Variants in SPON2 observed in about 807,000 individuals in gnomAD.
The protein encoded by SPON2 is spondin 2.
Under a neutral mutation model 29.9 loss-of-function variants are expected in SPON2, and 32 were observed. The observed-to-expected ratio is 1.07, with a 90% CI of 0.81 to 1.44. The LOEUF (loss-of-function observed/expected upper bound fraction) is 1.44. Among genes scored for constraint, SPON2 ranks in the 40% most tolerant of loss-of-function variants. The pLI is 0.00. For missense variants in SPON2, 541 were observed against 455.5 expected (o/e 1.19, Z -1.71); for synonymous variants, 248 against 209.1 (o/e 1.19, Z -1.61).
chr4:1,193,089 G>C (rs1049790675), intron 1 of SPON2, among the ~76,000 whole-genome samples: 1 of 152,184 alleles, frequency 6.6e-6, no homozygotes, highest in Non-Finnish European at 1.5e-5. Flanking sequence ...ACACATGCCC[G>C]ACACAGCTGC....
At chr4:1,184,374 T>C (rs984830246) in intron 1 of SPON2, among the ~76,000 whole-genome samples, 3 of 152,146 alleles carry the variant, frequency 2.0e-5, no homozygotes, top group Non-Finnish European at 2.9e-5. Context: ...TACAAAAATC[T>C]TGATTTAAAT....
Position 1,170,531 on chromosome 4 carries a change from G to A in SPON2, c.682C>T (p.Pro228Ser). ...PSHPANSFYYPRLKALPPIAR... is the reference protein window; with the variant it reads ...PSHPANSFYYSRLKALPPIAR... ...ATGGGAGGCAGGGCCTTCAGCCGCGGGTAGTAGAAGGAGTTGGCCGGGTGG... is the reference window on the plus strand; with the variant it reads ...ATGGGAGGCAGGGCCTTCAGCCGCGAGTAGTAGAAGGAGTTGGCCGGGTGG... Residue 228 changes from proline (P) to serine (S), a missense_variant, in exon 5 of 6, where the codon CCG (proline) becomes TCG (serine). Physicochemically the swap from Pro to Ser is moderately conservative, Grantham distance 74 (BLOSUM62 -1). Coordinates refer to ENST00000290902, the MANE Select transcript of SPON2 (RefSeq NM_012445.4). 2 of 1,613,996 alleles carry A rather than the reference G, an allele frequency of 1.2e-6. No homozygotes were observed. The highest frequency in any genetic ancestry group is 1.7e-6 in the Non-Finnish European group (2 of 1,179,898).
At chr4:1,185,700 T>A in intron 1 of SPON2, among the ~76,000 whole-genome samples, 1 of 2,688 alleles carries the variant, frequency 3.7e-4, no homozygotes. Flanking sequence ...AGAGTGAGAC[T>A]CCATCTCCAA....
upstream of SPON2, among the ~76,000 whole-genome samples, chr4:1,174,496 A>C (rs1419190691): frequency 6.0e-5 from 9 of 150,962 alleles, no homozygotes; most frequent in South Asian, 6.3e-4. Flanking sequence ...CAAAAAAAAA[A>C]AAAAAACAAA....
Position 1,202,820 on chromosome 4 carries a change from C to T in SPON2, c.-234+5060G>A, listed in dbSNP as rs995506799. ...AGGCCACCATCGCCTGCAGTGTCAG[C>T]GCCCCGTGGATGCCGTCAAGGCCCC... On this transcript the variant is annotated intron_variant, in intron 1 of 3. Coordinates refer to the SPON2 transcript ENST00000509233. This position sits in a 1 kb window ranked among gnomAD's most constrained non-coding sequence, Gnocchi z 5.4. Among the ~76,000 whole-genome samples the T allele has an allele frequency of 6.6e-6, 1 of 152,186 alleles. No individual in the cohort carries two copies. Among genetic ancestry groups the T allele is most frequent in the African/African-American group, 2.4e-5 (1 of 41,452 alleles).
intron 1 of SPON2, among the ~76,000 whole-genome samples, chr4:1,207,055 G>A (rs965729615): frequency 2.0e-5 from 3 of 151,824 alleles, no homozygotes; most frequent in Admixed American, 6.6e-5. Flanking sequence ...TGGGGAGCAC[G>A]GGGAGGAGGC....
rs535423982 is a variant in SPON2 at position 1,203,450 on chromosome 4, G to A, written c.-234+4430C>T. Among the ~76,000 whole-genome samples the A allele has an allele frequency of 9.2e-5, 14 of 152,346 alleles. No homozygotes were observed. The East Asian group carries it at 9.6e-4, about 10-fold the overall frequency. The stretch of plus-strand genomic sequence containing the variant: ...GGGCCAGAGCTTCATTCCTTTTTAC[G>A]GGTGAAGAATAGTGTGGGGCCAGGC... On this transcript the variant is annotated intron_variant, in intron 1 of 3. Coordinates refer to the SPON2 transcript ENST00000509233.
Position 1,167,496 on chromosome 4 carries a change from C to T in SPON2, c.972G>A (p.Glu324=). The T allele has an allele frequency of 6.2e-7, 1 of 1,613,712 alleles. No homozygotes were observed. The highest frequency in any genetic ancestry group is 1.7e-4 in the Middle Eastern group (1 of 6,004). ...SPCPELEEEA[E]CVPDNCV is the part of the protein sequence containing the mutation. ...CTTAGACGCAGTTATCAGGGACGCACTCAGCCTCTTCTTCGAGCTCGGGGC... is the reference window on the plus strand; with the variant it reads ...CTTAGACGCAGTTATCAGGGACGCATTCAGCCTCTTCTTCGAGCTCGGGGC... Residue 324 remains glutamate (E), a synonymous_variant, in exon 6 of 6, where the codon GAG becomes GAA. Coordinates refer to ENST00000290902, the MANE Select transcript of SPON2 (RefSeq NM_012445.4).
At position 1,171,429 on chromosome 4, in the gene SPON2, C is replaced by T; in HGVS notation, c.278G>A (p.Gly93Glu). 1 of 1,612,312 alleles carries T rather than the reference C, an allele frequency of 6.2e-7. No individual in the cohort carries two copies. Among genetic ancestry groups the T allele is most frequent in the Non-Finnish European group, 8.5e-7 (1 of 1,179,794 alleles). ...MWRKNQYVSN[G>E]LRDFAERGEA... ...GCCGCGCTCCGCAAAGTCGCGCAGC[C>T]CGTTACTGACGTACTGGTTCTTCCT... Residue 93 changes from glycine (G) to glutamate (E), a missense_variant, in exon 3 of 6, where the codon GGG (glycine) becomes GAG (glutamate). Gly to Glu is a moderately conservative substitution (Grantham distance 98). Coordinates refer to ENST00000290902, the MANE Select transcript of SPON2 (RefSeq NM_012445.4).
At chr4:1,185,966 C>T (rs992948147) in intron 1 of SPON2, among the ~76,000 whole-genome samples, 49 of 151,776 alleles carry the variant, frequency 3.2e-4, no homozygotes, top group African/African-American at 1.1e-3. Context: ...AACATCTGGC[C>T]GGGCGTGGTG....
intron 5 of SPON2, 34 bp downstream of exon 5, chr4:1,170,368 G>C (rs537998455): frequency 2.5e-6 from 4 of 1,594,552 alleles, no homozygotes; most frequent in Non-Finnish European, 3.4e-6. Context: ...GTTCGGGGCT[G>C]CTGTGTGTCC....
chr4:1,185,975 TG>T (rs1727785594), intron 1 of SPON2, among the ~76,000 whole-genome samples: 1 of 151,906 alleles, frequency 6.6e-6, no homozygotes, highest in African/African-American at 2.4e-5. Context: ...CCGGGCGTGG[TG>T]GCTCACGCCT....
intron 1 of SPON2, among the ~76,000 whole-genome samples, chr4:1,205,646 A>C (rs1250102): frequency 6.6e-6 from 1 of 152,100 alleles, no homozygotes; most frequent in Non-Finnish European, 1.5e-5. Flanking sequence ...CAGCCTTGGG[A>C]AGGGTGGGGG....
Position 1,170,471 on chromosome 4 carries a change from G to A in SPON2, c.742C>T (p.Pro248Ser). Residue 248 changes from proline (P) to serine (S), a missense_variant, in exon 5 of 6, where the codon CCC becomes TCC. By Grantham distance (74) the Pro-to-Ser change is moderately conservative. Transcript: ENST00000290902. ...RVTLVRLRQS[P>S]RAFIPPAPVL... ...GGGGCGGGAGGGATGAAGGCCCTGGGGCTCTGTCGCAGCCGCACCAGTGTC... is the reference window on the plus strand; with the variant it reads ...GGGGCGGGAGGGATGAAGGCCCTGGAGCTCTGTCGCAGCCGCACCAGTGTC... 1 of 1,614,074 alleles carries A rather than the reference G, an allele frequency of 6.2e-7. No homozygotes were observed. Among genetic ancestry groups the A allele is most frequent in the East Asian group, 2.2e-5 (1 of 44,874 alleles).
upstream of SPON2, among the ~76,000 whole-genome samples, chr4:1,197,832 T>C (rs1403420327): frequency 6.6e-6 from 1 of 152,126 alleles, no homozygotes; most frequent in African/African-American, 2.4e-5. Context: ...GCAGATCACT[T>C]GAGGCCTGGA....
At position 1,202,951 on chromosome 4, in the gene SPON2, A is replaced by G. The variant is rs754434323; in HGVS notation, c.-234+4929T>C. Among the ~76,000 whole-genome samples the G allele has an allele frequency of 1.8e-4, 28 of 152,322 alleles. No homozygotes were observed. The highest frequency in any genetic ancestry group is 2.1e-4 in the South Asian group (1 of 4,826). On this transcript the variant is annotated intron_variant, in intron 1 of 3. Transcript: ENST00000509233. This position sits in a 1 kb window ranked among gnomAD's most constrained non-coding sequence, Gnocchi z 5.4. ...GGCCAGGATCGGGGGAGACCCAGGC[A>G]GGCAGTGAGCTCTGCGGTCCCAAAG...
chr4:1,204,729 C>T (rs1275618590), intron 1 of SPON2, among the ~76,000 whole-genome samples: 1 of 152,310 alleles, frequency 6.6e-6, no homozygotes, highest in African/African-American at 2.4e-5. Context: ...CCGGCCAGCA[C>T]GAGGGACGGC....
intron 1 of SPON2, among the ~76,000 whole-genome samples, chr4:1,194,302 G>A (rs971009607): frequency 1.3e-5 from 2 of 152,176 alleles, no homozygotes; most frequent in African/African-American, 4.8e-5. Context: ...CAGGAAAAAG[G>A]ACCAACGGGG....
chr4:1,207,535 C>T (rs1728371831), intron 1 of SPON2, among the ~76,000 whole-genome samples: 1 of 151,572 alleles, frequency 6.6e-6, no homozygotes. Flanking sequence ...GCCGCGCTTA[C>T]ACATGCTCCA....
Sources: allele counts gnomAD v4.1 joint callset (sites outside exome capture counted in the v4.1 genomes callset), GRCh38; gene constraint gnomAD v4.1.1; non-coding constraint Gnocchi (gnomAD v3.1); transcripts MANE v1.5; gene names NCBI Gene and HGNC (gene_info 2026-07-23, HGNC 2026-07-21).